IKZF2: variants seen among roughly 807,000 people sequenced by gnomAD.
IKZF2 encodes IKAROS family zinc finger 2.
IKZF2 carries 15 observed loss-of-function variants against 49.2 expected under a neutral mutation model. That is an observed-to-expected ratio of 0.30 (90% CI 0.20 to 0.47). The LOEUF (loss-of-function observed/expected upper bound fraction) is 0.47. Among genes scored for constraint, IKZF2 ranks in the 20% least tolerant of loss-of-function variants. The pLI is 1.00. For missense variants in IKZF2, 567 were observed against 664.6 expected, an observed-to-expected ratio of 0.85 and a Z score of 1.61; for synonymous variants, 227 against 221.4, an observed-to-expected ratio of 1.03 and a Z score of -0.23.
Position 213,052,924 on chromosome 2 carries a change from C to T in IKZF2, c.407-3044G>A, listed in dbSNP as rs1574641896. Among the ~76,000 whole-genome samples, 4 of 152,156 alleles carry T rather than the reference C, an allele frequency of 2.6e-5. No individual in the cohort carries two copies. In the South Asian group the frequency reaches 8.3e-4, roughly 32 times the overall value. ...TTTCTCTATGCAAATGGTACATATG[C>T]AAAAACTCCATACTGTCTATGAAAC... On this transcript the variant is annotated intron_variant, in intron 5 of 8. Transcript: ENST00000434687.
chr2:213,021,882 T>C, intron 7 of IKZF2, 111 bp downstream of exon 7: 1 of 1,170,498 alleles, frequency 8.5e-7, no homozygotes, highest in Non-Finnish European at 1.2e-6. Context: ...GCTCAACTCA[T>C]TTAAGTTAAA....
chr2:213,093,405 T>C (rs1705579052), intron 4 of IKZF2, among the ~76,000 whole-genome samples: 2 of 152,154 alleles, frequency 1.3e-5, no homozygotes, highest in Admixed American at 6.6e-5. Flanking sequence ...TTTGCACATA[T>C]ACAATGGTCT....
chr2:213,089,518 G>T (rs550799448), intron 4 of IKZF2, among the ~76,000 whole-genome samples: 2 of 152,146 alleles, frequency 1.3e-5, no homozygotes, highest in Non-Finnish European at 2.9e-5. Flanking sequence ...AAACCAAACT[G>T]GTACCCTTGC....
intron 4 of IKZF2, among the ~76,000 whole-genome samples, chr2:213,141,373 C>T (rs1559327084): frequency 6.6e-6 from 1 of 151,920 alleles, no homozygotes; most frequent in African/African-American, 2.4e-5. Context: ...TCACCTACTT[C>T]GTTAAAACCA....
At chr2:213,039,107 A>G (rs1039347919) in intron 6 of IKZF2, among the ~76,000 whole-genome samples, 1 of 152,016 alleles carries the variant, frequency 6.6e-6, no homozygotes, top group African/African-American at 2.4e-5. Flanking sequence ...AATGCATGTT[A>G]GTTTGAAATT....
chr2:213,096,098 C>CA (rs147034501), intron 4 of IKZF2, among the ~76,000 whole-genome samples: 1 of 151,762 alleles, frequency 6.6e-6, no homozygotes, highest in East Asian at 1.9e-4. Context: ...GCTGAAGTCT[C>CA]AAAAAAATAG....
chr2:213,111,112 A>C (rs1339499818), intron 4 of IKZF2, among the ~76,000 whole-genome samples: 1 of 151,958 alleles, frequency 6.6e-6, no homozygotes, highest in Non-Finnish European at 1.5e-5. Context: ...GCCATGTAGA[A>C]ATTTTTATTA....
chr2:213,127,555 T>TA, intron 4 of IKZF2, among the ~76,000 whole-genome samples: 2 of 152,300 alleles, frequency 1.3e-5, no homozygotes, highest in Middle Eastern at 6.8e-3. Flanking sequence ...ATTAAGTTTG[T>TA]AATTGTCATA....
In IKZF2 at chr2:213,001,903, C is replaced by CA. The variant is rs547571666; in HGVS notation, c.*5456dup. ...CTTAAAAAAAACAAGAATAAAACAA[C>CA]AAAAAAACCCAGATCCCTTCCCTTG... On this transcript the variant is annotated 3_prime_UTR_variant, in exon 9 of 9. Transcript: ENST00000434687. The CA allele has an allele frequency of 3.4e-3, 510 of 151,740 alleles. 4 individuals are homozygous for CA. Among genetic ancestry groups the CA allele is most frequent in the African/African-American group, 0.012 (488 of 41,446 alleles). 9.4% of individuals were successfully genotyped at this position (151,740 alleles called of 1,614,324 possible). A position where few individuals can be genotyped will look rare whatever the true frequency, so the allele number is the denominator to read the frequency against.
intron 4 of IKZF2, among the ~76,000 whole-genome samples, chr2:213,146,383 T>C (rs1020043511): frequency 6.6e-6 from 1 of 152,052 alleles, no homozygotes; most frequent in South Asian, 2.1e-4. Flanking sequence ...ACTTTACTAG[T>C]TTTTTCTTTC....
chr2:213,056,066 T>C (rs1180256865), intron 5 of IKZF2, among the ~76,000 whole-genome samples: 2 of 152,132 alleles, frequency 1.3e-5, no homozygotes, highest in Admixed American at 6.6e-5. Flanking sequence ...CTCATTTCTG[T>C]TGCTTTTTAA....
intron 4 of IKZF2, among the ~76,000 whole-genome samples, chr2:213,108,073 T>C (rs1248732167): frequency 2.0e-5 from 3 of 152,088 alleles, no homozygotes; most frequent in Admixed American, 6.6e-5. Flanking sequence ...CGATTGAAAT[T>C]ACTATGGAGC....
intron 4 of IKZF2, among the ~76,000 whole-genome samples, chr2:213,064,997 T>C (rs1481140389): frequency 2.0e-5 from 3 of 152,070 alleles, no homozygotes; most frequent in African/African-American, 7.2e-5. Context: ...TTTAAGAATA[T>C]CCAAAGTGTA....
At chr2:213,087,066 T>C (rs1019158139) in intron 4 of IKZF2, among the ~76,000 whole-genome samples, 11 of 152,152 alleles carry the variant, frequency 7.2e-5, no homozygotes, top group Non-Finnish European at 1.3e-4. Flanking sequence ...ACAATACCAG[T>C]ACACTTAAAG....
At chr2:213,057,517 A>G (rs1293631285) in intron 4 of IKZF2, among the ~76,000 whole-genome samples, 1 of 152,182 alleles carries the variant, frequency 6.6e-6, no homozygotes. Flanking sequence ...ATCATTATGT[A>G]TACTTCATAT....
At chr2:213,090,351 G>A (rs1007626024) in intron 4 of IKZF2, among the ~76,000 whole-genome samples, 7 of 152,134 alleles carry the variant, frequency 4.6e-5, no homozygotes, top group Admixed American at 3.3e-4. Context: ...GGTAAGGTCT[G>A]TAAACATCTT....
rs376143401 is a variant in IKZF2 at position 213,019,956 on chromosome 2, A to C, written c.712+2037T>G. Among the ~76,000 whole-genome samples the C allele has an allele frequency of 2.6e-5, 4 of 152,334 alleles. No homozygotes were observed. In the East Asian group the frequency reaches 5.8e-4, roughly 22 times the overall value. On this transcript the variant is annotated intron_variant, in intron 7 of 8. Transcript: ENST00000434687. ...CAGATAATTCAATGTTGATTATAAT[A>C]ATTTATTTACATTTTACCTCCCTAT...
At chr2:213,043,112 T>C (rs891138462) in intron 6 of IKZF2, among the ~76,000 whole-genome samples, 10 of 152,088 alleles carry the variant, frequency 6.6e-5, no homozygotes, top group African/African-American at 1.9e-4. Flanking sequence ...CTTGGTGTCC[T>C]CTAGAGGACA....
At chr2:213,068,912 A>AAC (rs3069572) in intron 4 of IKZF2, among the ~76,000 whole-genome samples, 6,001 of 147,198 alleles carry the variant, frequency 0.041, 143 homozygotes, top group South Asian at 0.1. Context: ...GGAGGGAGAA[A>AAC]ACACACACAC....
Sources: allele counts gnomAD v4.1 joint callset (sites outside exome capture counted in the v4.1 genomes callset), GRCh38; gene constraint gnomAD v4.1.1; transcripts MANE v1.5; gene names NCBI Gene and HGNC (gene_info 2026-07-23, HGNC 2026-07-21).